The following PRR22 variants were observed in gnomAD, a reference collection of about 807,000 sequenced individuals.
PRR22 encodes the protein proline-rich protein 22.
PRR22 carries 5 observed loss-of-function variants against 7.2 expected under a neutral mutation model. The observed-to-expected ratio is 0.69, with a 90% CI of 0.36 to 1.45. PRR22 has a LOEUF of 1.45. PRR22 is among the 40% of genes most tolerant of loss of function. PRR22 has a pLI of 0.03. For synonymous variants in PRR22, 319 were observed against 269.3 expected (o/e 1.18, Z -1.81); for missense variants, 619 against 568.8 (o/e 1.09, Z -0.90).
At position 5,783,435 on chromosome 19, in the gene PRR22, G is replaced by A. The variant is rs900875675; in HGVS notation, c.812C>T (p.Ala271Val). ...GALLGAGKAK[A>V]PKTARALALP... ...TGCCAAAGCTCTGGCCGTCTTGGGGGCCTTGGCCTTGCCTGCTCCCAGCAG... is the reference window on the plus strand; with the variant it reads ...TGCCAAAGCTCTGGCCGTCTTGGGGACCTTGGCCTTGCCTGCTCCCAGCAG... The change falls in exon 3 of 3, where the codon GCC (alanine) becomes GTC (valine). Residue 271 changes from alanine (A) to valine (V), a missense_variant. Physicochemically the swap from Ala to Val is moderately conservative, Grantham distance 64 (BLOSUM62 0). Transcript: ENST00000419421. 5.6e-6 allele frequency: 9 copies of A among 1,611,632 alleles called. No individual in the cohort carries two copies. In the South Asian group the frequency reaches 7.7e-5, roughly 14 times the overall value.
Position 5,783,974 on chromosome 19 carries a change from C to A in PRR22, c.273G>T (p.Gln91His). ...RIEWTTPDLG[Q>H]SALYKLAASS... is the part of the protein sequence containing the mutation. The stretch of plus-strand genomic sequence containing the variant: ...TTGCTGCCAGCTTATACAGGGCTGA[C>A]TGGCCCAGGTCGGGGGTGGTCCACT... Residue 91 changes from glutamine to histidine, a missense_variant, in exon 3 of 3, where the codon CAG becomes CAT. Gln to His is a conservative substitution (Grantham distance 24). Transcript: ENST00000419421. 1 of 1,607,856 alleles carries A rather than the reference C, an allele frequency of 6.2e-7. No homozygotes were observed. The highest frequency in any genetic ancestry group is 8.5e-7 in the Non-Finnish European group (1 of 1,177,900).
chr19:5,784,746 T>C lies in PRR22; in HGVS notation c.-86A>G, dbSNP rs746729426. 8.0e-5 allele frequency: 116 copies of C among 1,457,430 alleles called. No individual in the cohort carries two copies. Among genetic ancestry groups the C allele is most frequent in the Admixed American group, 8.9e-5 (4 of 44,978 alleles). 90.3% of individuals were successfully genotyped at this position (1,457,430 alleles called of 1,614,324 possible). On this transcript the variant is annotated 5_prime_UTR_variant, in exon 1 of 3. Coordinates refer to ENST00000419421, the MANE Select transcript of PRR22 (RefSeq NM_001134316.2). ...CCAACCGGAGAACAGGCTGAGAACC[T>C]GGTGGGGTTCTGTTTGCCTGGTTAC...
Position 5,783,791 on chromosome 19 carries a change from G to A in PRR22, c.456C>T (p.Pro152=), listed in dbSNP as rs780124749. 26 of 1,495,664 alleles carry A rather than the reference G, an allele frequency of 1.7e-5. 1 individual carries two copies. The highest frequency in any genetic ancestry group is 1.1e-4 in the African/African-American group (8 of 71,670). 92.6% of individuals were successfully genotyped at this position (1,495,664 alleles called of 1,614,324 possible). ...CCACAAAACCCAGAGCCTCTGGCCC[G>A]GGGCCCTCAGGCGGGAAGTAGGGCA... The part of the protein sequence containing the change: ...FLLPYFPPEG[P]GPEALGFVGD... The change falls in exon 3 of 3, where the codon CCC becomes CCT. Residue 152 remains proline (P), a synonymous_variant. Transcript: ENST00000419421.
Position 5,783,262 on chromosome 19 carries a change from G to C in PRR22, c.985C>G (p.Leu329Val). 6.2e-7 allele frequency: 1 copy of C among 1,612,868 alleles called. No individual in the cohort carries two copies. Among genetic ancestry groups the C allele is most frequent in the Non-Finnish European group, 8.5e-7 (1 of 1,179,996 alleles). Reference protein sequence around the residue: ...GGNSADDIRSLCLPEELLSFD... With the variant: ...GGNSADDIRSVCLPEELLSFD... ...GACAGCAGCTCCTCGGGCAGGCACA[G>C]CGAGCGGATGTCATCGGCTGAGTTC... is the stretch of plus-strand genomic sequence containing the variant. The change falls in exon 3 of 3, where the codon CTG becomes GTG. Residue 329 changes from leucine (L) to valine (V), a missense_variant. Coordinates refer to ENST00000419421, the MANE Select transcript of PRR22 (RefSeq NM_001134316.2).
At chr19:5,784,222 G>T in intron 2 of PRR22, 155 bp downstream of exon 2, 1 of 1,075,244 alleles carries the variant, frequency 9.3e-7, no homozygotes, top group Non-Finnish European at 1.4e-6. Context: ...ATGACACAGA[G>T]CTTGTCTTTG....
chr19:5,784,543 G>A lies in PRR22; in HGVS notation c.118C>T (p.Pro40Ser), dbSNP rs1177574415. Residue 40 changes from proline (P) to serine (S), a missense_variant, in exon 1 of 3, where the codon CCT becomes TCT. By Grantham distance (74) the Pro-to-Ser change is moderately conservative. Coordinates refer to ENST00000419421, the MANE Select transcript of PRR22 (RefSeq NM_001134316.2). Reference sequence around the variant, plus strand: ...CACCCGATCGTACCCATAGCGGGAGGAGGCTCGGCACAGGTGGGAGCAGGC... The same window carrying A: ...CACCCGATCGTACCCATAGCGGGAGAAGGCTCGGCACAGGTGGGAGCAGGC... ...NQPAPTCAEP[P>S]PAMGSLNLYH... The A allele has an allele frequency of 6.5e-7, 1 of 1,549,628 alleles. No homozygotes were observed. Among genetic ancestry groups the A allele is most frequent in the Non-Finnish European group, 8.7e-7 (1 of 1,146,912 alleles).
chr19:5,783,583 G>A lies in PRR22; in HGVS notation c.664C>T (p.Pro222Ser), dbSNP rs2144722136. The change falls in exon 3 of 3, where the codon CCT (proline) becomes TCT (serine). Residue 222 changes from proline (P) to serine (S), a missense_variant. Transcript: ENST00000419421. ...SHLQGHLGHFPGPEPLAFPVK... is the reference protein window; with the variant it reads ...SHLQGHLGHFSGPEPLAFPVK... ...GGGAAGGCCAGGGGTTCGGGCCCAG[G>A]GAAGTGGCCGAGGTGACCCTGGAGG... 1.9e-6 allele frequency: 3 copies of A among 1,607,224 alleles called. No individual in the cohort carries two copies. Among genetic ancestry groups the A allele is most frequent in the Non-Finnish European group, 2.5e-6 (3 of 1,177,992 alleles).
chr19:5,784,031 C>A lies in PRR22; in HGVS notation c.216G>T (p.Gly72=), dbSNP rs1347731299. ...GATAGATGCGGGGGTCGAAGAAGCACCCGCATGGGGCCATCTGGAAACCTG... is the reference window on the plus strand; with the variant it reads ...GATAGATGCGGGGGTCGAAGAAGCAACCGCATGGGGCCATCTGGAAACCTG... ...PPAGFQMAPC[G]CFFDPRIYRI... is the part of the protein sequence containing the mutation. Residue 72 remains glycine, a synonymous_variant, in exon 3 of 3, where the codon GGG becomes GGT. Coordinates refer to ENST00000419421, the MANE Select transcript of PRR22 (RefSeq NM_001134316.2). The A allele has an allele frequency of 5.0e-6, 8 of 1,611,084 alleles. No individual in the cohort carries two copies. Among genetic ancestry groups the A allele is most frequent in the African/African-American group, 2.7e-5 (2 of 74,898 alleles).
chr19:5,784,221 A>G (rs775930088), intron 2 of PRR22, 156 bp downstream of exon 2: 1 of 1,079,458 alleles, frequency 9.3e-7, no homozygotes, highest in Non-Finnish European at 1.4e-6. Context: ...GATGACACAG[A>G]GCTTGTCTTT....
chr19:5,784,218 C>T (rs1568383786), intron 2 of PRR22, 159 bp downstream of exon 2: 4 of 1,077,280 alleles, frequency 3.7e-6, no homozygotes, highest in Non-Finnish European at 5.8e-6. Context: ...ATGGATGACA[C>T]AGAGCTTGTC....
Position 5,783,983 on chromosome 19 carries a change from G to A in PRR22, c.264C>T (p.Asp88=), listed in dbSNP as rs1444636250. The A allele has an allele frequency of 5.6e-6, 9 of 1,609,360 alleles. No homozygotes were observed. In the Admixed American group the frequency reaches 6.7e-5, roughly 12 times the overall value. The change falls in exon 3 of 3, where the codon GAC becomes GAT. Residue 88 remains aspartate (D), a synonymous_variant. Transcript: ENST00000419421. The stretch of plus-strand genomic sequence containing the variant: ...GCTTATACAGGGCTGACTGGCCCAG[G>A]TCGGGGGTGGTCCACTCGATCCGAT... The part of the protein sequence containing the change: ...RIYRIEWTTP[D]LGQSALYKLA...
chr19:5,783,682 TG>T lies in PRR22; in HGVS notation c.564del (p.Lys189ArgfsTer102). On this transcript the variant is annotated frameshift_variant, in exon 3 of 3. Transcript: ENST00000419421. LOFTEE classifies it low-confidence loss of function (END_TRUNC). Reference protein sequence around the residue: ...EGPAPLPPPPPKENKPPPVLI... With the variant: ...EGPAPLPPPPXKENKPPPVLI... ...AGTACAGGGGGCGGCTTGTTCTCCT[TG>T]GGGGGTGGGGGTGGCAGCGGGGCCG... The T allele has an allele frequency of 4.8e-6, 3 of 621,388 alleles. No homozygotes were observed. Among genetic ancestry groups the T allele is most frequent in the Non-Finnish European group, 6.9e-6 (3 of 436,778 alleles). The allele number at this position is 621,388 out of a possible 1,614,324, so 38.5% of individuals were successfully genotyped here.
intron 2 of PRR22, 125 bp from the exon 3 acceptor site, chr19:5,784,178 T>C (rs570698492): frequency 9.3e-7 from 1 of 1,079,068 alleles, no homozygotes; most frequent in South Asian, 1.3e-5. Flanking sequence ...GGGGACGACA[T>C]AGATATTGCT....
In PRR22 at chr19:5,783,659, T is replaced by G; in HGVS notation, c.588A>C (p.Val196=). The part of the protein sequence containing the change: ...PPPKENKPPP[V]LITLPAEPTL... ...TGGGCTCTGCAGGCAGCGTGATGAGTACAGGGGGCGGCTTGTTCTCCTTGG... is the reference window on the plus strand; with the variant it reads ...TGGGCTCTGCAGGCAGCGTGATGAGGACAGGGGGCGGCTTGTTCTCCTTGG... The change falls in exon 3 of 3, where the codon GTA becomes GTC. Residue 196 remains valine, a synonymous_variant. Transcript: ENST00000419421. 7.8e-7 allele frequency: 1 copy of G among 1,281,282 alleles called. No individual in the cohort carries two copies. The highest frequency in any genetic ancestry group is 1.1e-6 in the Non-Finnish European group (1 of 947,230). 79.4% of individuals were successfully genotyped at this position (1,281,282 alleles called of 1,614,324 possible). A position where few individuals can be genotyped will look rare whatever the true frequency, so the allele number is the denominator to read the frequency against.
In PRR22 at chr19:5,783,303, G is replaced by A; in HGVS notation, c.944C>T (p.Pro315Leu). 1.2e-6 allele frequency: 2 copies of A among 1,612,838 alleles called. No individual in the cohort carries two copies. The highest frequency in any genetic ancestry group is 1.7e-6 in the Non-Finnish European group (2 of 1,179,980). The part of the protein sequence containing the change: ...TLCEVPGPAL[P>L]DSSGGNSADD... Reference sequence around the variant, plus strand: ...GGCTGAGTTCCCACCACTGCTGTCAGGCAGGGCCGGCCCAGGGACCTCGCA... The same window carrying A: ...GGCTGAGTTCCCACCACTGCTGTCAAGCAGGGCCGGCCCAGGGACCTCGCA... The change falls in exon 3 of 3, where the codon CCT (proline) becomes CTT (leucine). Residue 315 changes from proline (P) to leucine (L), a missense_variant. By Grantham distance (98) the Pro-to-Leu change is moderately conservative. Transcript: ENST00000419421.
In PRR22 at chr19:5,783,351, G is replaced by A. The variant is rs1330673419; in HGVS notation, c.896C>T (p.Ala299Val). Residue 299 changes from alanine to valine, a missense_variant, in exon 3 of 3, where the codon GCC becomes GTC. Ala to Val is a moderately conservative substitution (Grantham distance 64, BLOSUM62 0). Coordinates refer to ENST00000419421, the MANE Select transcript of PRR22 (RefSeq NM_001134316.2). ...AMKLFDCLPG[A>V]SEPEGTLCEV... ...GCACAGGGTACCCTCAGGCTCAGAG[G>A]CGCCTGGCAGGCAGTCGAAGAGCTT... 6.2e-6 allele frequency: 10 copies of A among 1,612,582 alleles called. No homozygotes were observed. The highest frequency in any genetic ancestry group is 8.5e-6 in the Non-Finnish European group (10 of 1,179,952).
Position 5,784,546 on chromosome 19 carries a change from G to T in PRR22, c.115C>A (p.Pro39Thr), listed in dbSNP as rs902681461. ...CCGATCGTACCCATAGCGGGAGGAG[G>T]CTCGGCACAGGTGGGAGCAGGCTGG... Reference protein sequence around the residue: ...GNQPAPTCAEPPPAMGSLNLY... With the variant: ...GNQPAPTCAETPPAMGSLNLY... Residue 39 changes from proline to threonine, a missense_variant, in exon 1 of 3, where the codon CCT becomes ACT. Pro to Thr is a conservative substitution (Grantham distance 38). Coordinates refer to ENST00000419421, the MANE Select transcript of PRR22 (RefSeq NM_001134316.2). 2.6e-6 allele frequency: 4 copies of T among 1,549,198 alleles called. No individual in the cohort carries two copies. The Admixed American group carries it at 5.9e-5, about 23-fold the overall frequency.
Position 5,783,352 on chromosome 19 carries a change from C to A in PRR22, c.895G>T (p.Ala299Ser), listed in dbSNP as rs926409059. 3.7e-6 allele frequency: 6 copies of A among 1,612,528 alleles called. No individual in the cohort carries two copies. Among genetic ancestry groups the A allele is most frequent in the Non-Finnish European group, 5.1e-6 (6 of 1,179,920 alleles). Residue 299 changes from alanine to serine, a missense_variant, in exon 3 of 3, where the codon GCC (alanine) becomes TCC (serine). Physicochemically the swap from Ala to Ser is moderately conservative, Grantham distance 99. Transcript: ENST00000419421. The stretch of plus-strand genomic sequence containing the variant: ...CACAGGGTACCCTCAGGCTCAGAGG[C>A]GCCTGGCAGGCAGTCGAAGAGCTTC... ...AMKLFDCLPG[A>S]SEPEGTLCEV...
At position 5,783,334 on chromosome 19, in the gene PRR22, T is replaced by A; in HGVS notation, c.913A>T (p.Thr305Ser). The A allele has an allele frequency of 6.2e-7, 1 of 1,612,626 alleles. No individual in the cohort carries two copies. The highest frequency in any genetic ancestry group is 8.5e-7 in the Non-Finnish European group (1 of 1,179,900). Residue 305 changes from threonine to serine, a missense_variant, in exon 3 of 3, where the codon ACC (threonine) becomes TCC (serine). Transcript: ENST00000419421. Reference sequence around the variant, plus strand: ...GCCGGCCCAGGGACCTCGCACAGGGTACCCTCAGGCTCAGAGGCGCCTGGC... The same window carrying A: ...GCCGGCCCAGGGACCTCGCACAGGGAACCCTCAGGCTCAGAGGCGCCTGGC... ...CLPGASEPEG[T>S]LCEVPGPALP...
Sources: allele counts gnomAD v4.1 joint callset, GRCh38; gene constraint gnomAD v4.1.1; transcripts MANE v1.5; gene names NCBI Gene and HGNC (gene_info 2026-07-23, HGNC 2026-07-21).